The following MUC5AC variants were observed in gnomAD, a reference collection of about 807,000 sequenced individuals.
MUC5AC encodes the protein mucin 5AC, oligomeric mucus/gel-forming.
Under a neutral mutation model 169.7 loss-of-function variants are expected in MUC5AC, and 158 were observed. The ratio of observed to expected loss-of-function variants is 0.93; its 90% CI spans 0.82 to 1.06. The LOEUF (loss-of-function observed/expected upper bound fraction) is 1.06, where lower values mean the gene tolerates loss of function less well. MUC5AC is among the 50% of genes least tolerant of loss of function. The probability of loss-of-function intolerance (pLI) is 0.00; values close to 1 mark genes in which losing one functional copy is unlikely to be tolerated. For synonymous variants in MUC5AC, 1,975 were observed against 1,237.0 expected (o/e 1.60, Z -12.52); for missense variants, 4,359 against 3,089.9 (o/e 1.41, Z -9.74).
At chr11:1,198,724 C>T (rs1590155132) in intron 43 of MUC5AC, 150 bp from the exon 44 acceptor site, 4 of 612,372 alleles carry the variant, frequency 6.5e-6, no homozygotes, top group Admixed American at 2.7e-5. Context: ...GGTGCCACCA[C>T]GAGTCACCCC....
chr11:1,200,415 T>C (rs1370060687), intron 48 of MUC5AC, 23 bp from the exon 49 acceptor site: 1 of 668,060 alleles, frequency 1.5e-6, no homozygotes, highest in African/African-American at 1.8e-5. Flanking sequence ...CAGCAGCTGG[T>C]GCTGAGCAGC....
chr11:1,182,350 C>T lies in MUC5AC; in HGVS notation c.4205C>T (p.Thr1402Met), dbSNP rs1331862301. The change falls in exon 31 of 49, where the codon ACG (threonine) becomes ATG (methionine). Residue 1402 changes from threonine to methionine, a missense_variant. Thr to Met is a moderately conservative substitution (Grantham distance 81, BLOSUM62 -1). Transcript: ENST00000621226. ...WMDVSRPGRG[T>M]DSGDFDTLEN... Reference sequence around the variant, plus strand: ...GATGTCAGCCGCCCTGGACGGGGCACGGACAGCGGTGACTTCGACACACTG... The same window carrying T: ...GATGTCAGCCGCCCTGGACGGGGCATGGACAGCGGTGACTTCGACACACTG... 12 of 398,548 alleles carry T rather than the reference C, an allele frequency of 3.0e-5. No individual in the cohort carries two copies. Among genetic ancestry groups the T allele is most frequent in the African/African-American group, 8.2e-5 (4 of 48,742 alleles). The allele number at this position is 398,548 out of a possible 1,614,324, so 24.7% of individuals were successfully genotyped here.
chr11:1,158,062 C>T lies in MUC5AC; in HGVS notation c.63C>T (p.Thr21=), dbSNP rs1455609693. ...CCCTGGCTCTCGCTCTGGCCTGCAC[C>T]CGGCATACAGGTACGGCTTGGCCCC... ...LWALALALAC[T]RHTGHAQDGS... The change falls in exon 1 of 49, where the codon ACC becomes ACT. Residue 21 remains threonine (T), a synonymous_variant. Coordinates refer to ENST00000621226, the MANE Select transcript of MUC5AC (RefSeq NM_001304359.2). 1 of 1,608,182 alleles carries T rather than the reference C, an allele frequency of 6.2e-7. No homozygotes were observed. The highest frequency in any genetic ancestry group is 8.5e-7 in the Non-Finnish European group (1 of 1,178,478).
rs1554928444 is a variant in MUC5AC at position 1,188,020 on chromosome 11, G to T, written c.9875G>T (p.Arg3292Leu). 1 of 749,490 alleles carries T rather than the reference G, an allele frequency of 1.3e-6. No homozygotes were observed. Among genetic ancestry groups the T allele is most frequent in the Non-Finnish European group, 2.4e-6 (1 of 408,164 alleles). The allele number at this position is 749,490 out of a possible 1,614,324, so 46.4% of individuals were successfully genotyped here. The change falls in exon 31 of 49, where the codon CGT becomes CTT. Residue 3292 changes from arginine to leucine, a missense_variant. Arg to Leu is a moderately radical substitution (Grantham distance 102). Transcript: ENST00000621226. ...EHLGQVVQCSREEGLVCRNQD... is the reference protein window; with the variant it reads ...EHLGQVVQCSLEEGLVCRNQD... ...CTGGGCCAGGTGGTGCAGTGCAGCC[G>T]TGAAGAGGGCCTGGTGTGCCGGAAC...
At chr11:1,161,126 A>AAGGGCAGCC (rs1860129549) in intron 2 of MUC5AC, among the ~76,000 whole-genome samples, 1 of 152,158 alleles carries the variant, frequency 6.6e-6, no homozygotes, top group Non-Finnish European at 1.5e-5. Flanking sequence ...CAGGGCAGGC[A>AAGGGCAGCC]AGGGCAGCCA....
At position 1,194,268 on chromosome 11, in the gene MUC5AC, G is replaced by A. The variant is rs922634334; in HGVS notation, c.14914G>A (p.Gly4972Arg). The A allele has an allele frequency of 1.7e-5, 13 of 763,514 alleles. No homozygotes were observed. Among genetic ancestry groups the A allele is most frequent in the South Asian group, 2.7e-5 (2 of 74,282 alleles). The allele number at this position is 763,514 out of a possible 1,614,324, so 47.3% of individuals were successfully genotyped here. Reference sequence around the variant, plus strand: ...CAACTACTTCTGCGGTGCGGAGGACGGGCTCTCCTGCCCGAGGTCCATCAT... The same window carrying A: ...CAACTACTTCTGCGGTGCGGAGGACAGGCTCTCCTGCCCGAGGTCCATCAT... Reference protein sequence around the residue: ...VDNYFCGAEDGLSCPRSIILE... With the variant: ...VDNYFCGAEDRLSCPRSIILE... Residue 4972 changes from glycine to arginine, a missense_variant, in exon 34 of 49, where the codon GGG (glycine) becomes AGG (arginine). Coordinates refer to ENST00000621226, the MANE Select transcript of MUC5AC (RefSeq NM_001304359.2).
rs1291114159 is a variant in MUC5AC at position 1,186,768 on chromosome 11, A to C, written c.8623A>C (p.Ser2875Arg). The C allele has an allele frequency of 2.7e-6, 2 of 740,976 alleles. No homozygotes were observed. The highest frequency in any genetic ancestry group is 3.5e-5 in the African/African-American group (2 of 57,884). The allele number at this position is 740,976 out of a possible 1,614,324, so 45.9% of individuals were successfully genotyped here. ...TSSTTSTATTSTTSGPGTTPS... is the reference protein window; with the variant it reads ...TSSTTSTATTRTTSGPGTTPS... ...CAGCACAACCTCCACTGCTACAACC[A>C]GCACAACCTCTGGCCCTGGAACTAC... Residue 2875 changes from serine to arginine, a missense_variant, in exon 31 of 49, where the codon AGC becomes CGC. Coordinates refer to ENST00000621226, the MANE Select transcript of MUC5AC (RefSeq NM_001304359.2).
intron 32 of MUC5AC, 84 bp downstream of exon 32, chr11:1,193,066 A>G: frequency 1.6e-6 from 1 of 612,634 alleles, no homozygotes; most frequent in African/African-American, 1.8e-5. Flanking sequence ...CTTCAGCTGC[A>G]AAGTCTTGAG....
intron 37 of MUC5AC, 80 bp downstream of exon 37, chr11:1,196,134 T>G (rs1861264965): frequency 3.0e-6 from 2 of 658,332 alleles, no homozygotes; most frequent in Admixed American, 2.3e-5. Flanking sequence ...CAGGGTGGGC[T>G]CGGGCAGTCA....
chr11:1,195,862 C>CCCCA lies in MUC5AC; in HGVS notation c.15459-14_15459-13insCCCA. The CCCCA allele has an allele frequency of 1.3e-6, 1 of 759,444 alleles. No homozygotes were observed. Among genetic ancestry groups the CCCCA allele is most frequent in the Non-Finnish European group, 2.4e-6 (1 of 414,166 alleles). The allele number at this position is 759,444 out of a possible 1,614,324, so 47.0% of individuals were successfully genotyped here. On this transcript the variant is annotated splice_polypyrimidine_tract_variant and intron_variant, in intron 36 of 48. Coordinates refer to ENST00000621226, the MANE Select transcript of MUC5AC (RefSeq NM_001304359.2). ...GAGAGGCTGCACCCAGCACCCTGCC[C>CCCCA]ATCCCTCCCACAGGGTCTTTGAGCC...
chr11:1,190,634 T>A lies in MUC5AC; in HGVS notation c.12489T>A (p.Ser4163=). ...TTLAPTTSTT[S]APTTSTNSAP... ...TGGCTCCTACAACCAGCACAACCTC[T>A]GCTCCAACAACCAGCACAAACTCTG... Residue 4163 remains serine, a synonymous_variant, in exon 31 of 49, where the codon TCT becomes TCA. Coordinates refer to ENST00000621226, the MANE Select transcript of MUC5AC (RefSeq NM_001304359.2). The A allele has an allele frequency of 1.4e-6, 1 of 694,440 alleles. No individual in the cohort carries two copies. Among genetic ancestry groups the A allele is most frequent in the Non-Finnish European group, 2.6e-6 (1 of 380,522 alleles). The allele number at this position is 694,440 out of a possible 1,614,324, so 43.0% of individuals were successfully genotyped here.
At chr11:1,179,494 G>A (rs1412452620) in intron 26 of MUC5AC, among the ~76,000 whole-genome samples, 7 of 116,170 alleles carry the variant, frequency 6.0e-5, no homozygotes, top group Non-Finnish European at 1.1e-4. Context: ...CAGAGGGGTC[G>A]CTGGCATGGT....
chr11:1,164,609 G>A, intron 9 of MUC5AC, 77 bp downstream of exon 9: 1 of 1,499,904 alleles, frequency 6.7e-7, no homozygotes, highest in East Asian at 2.4e-5. Flanking sequence ...CCAAGCCTCG[G>A]AAGAAGGACC....
intron 1 of MUC5AC, among the ~76,000 whole-genome samples, chr11:1,159,693 G>A (rs1416898841): frequency 3.0e-5 from 4 of 133,974 alleles, no homozygotes; most frequent in Non-Finnish European, 4.8e-5. Context: ...GGTTCTGTGC[G>A]GGGCTGTGTG....
In MUC5AC at chr11:1,169,220, A is replaced by C. The variant is rs957976681; in HGVS notation, c.1870+194A>C. ...ATGTGGAGCTTCAGGAATGTGGGGCATCTGCTTCAGGGTCAAAGAAAGGGT... is the reference window on the plus strand; with the variant it reads ...ATGTGGAGCTTCAGGAATGTGGGGCCTCTGCTTCAGGGTCAAAGAAAGGGT... On this transcript the variant is annotated intron_variant, in intron 15 of 48. Transcript: ENST00000621226. The C allele has an allele frequency of 4.3e-6, 4 of 941,116 alleles. No individual in the cohort carries two copies. In the African/African-American group the frequency reaches 7.1e-5, roughly 17 times the overall value. 58.3% of individuals were successfully genotyped at this position (941,116 alleles called of 1,614,324 possible). A position where few individuals can be genotyped will look rare whatever the true frequency, so the allele number is the denominator to read the frequency against.
intron 10 of MUC5AC, 28 bp from the exon 11 acceptor site, chr11:1,165,594 C>T (rs1860299445): frequency 6.2e-7 from 1 of 1,610,040 alleles, no homozygotes; most frequent in Admixed American, 1.7e-5. Context: ...GGGGCCGGCA[C>T]CCACGTGGCA....
intron 19 of MUC5AC, among the ~76,000 whole-genome samples, chr11:1,175,593 ACACGCATTCACACCCT>A (rs1860653985): frequency 6.8e-6 from 1 of 146,950 alleles, no homozygotes; most frequent in African/African-American, 2.5e-5. Flanking sequence ...CCACTCATGC[ACACGCATTCACACCCT>A]CATGCACACG....
rs753931932 is a variant in MUC5AC, at chr11:1,165,399, C to T, written c.1227C>T (p.Tyr409=). The change falls in exon 10 of 49, where the codon TAC becomes TAT. Residue 409 remains tyrosine, a synonymous_variant. Coordinates refer to ENST00000621226, the MANE Select transcript of MUC5AC (RefSeq NM_001304359.2). ...NGAAYAPGAT[Y]STDCTNCTCS... Reference sequence around the variant, plus strand: ...CTGCCTATGCCCCAGGGGCCACCTACTCCACAGACTGCACCAACTGGTAGG... The same window carrying T: ...CTGCCTATGCCCCAGGGGCCACCTATTCCACAGACTGCACCAACTGGTAGG... 1.2e-6 allele frequency: 2 copies of T among 1,611,990 alleles called. No homozygotes were observed. The highest frequency in any genetic ancestry group is 1.7e-6 in the Non-Finnish European group (2 of 1,179,574).
In MUC5AC at chr11:1,164,127, C is replaced by T. The variant is rs750216484; in HGVS notation, c.811C>T (p.His271Tyr). Reference sequence around the variant, plus strand: ...CTAGGGCATCTGTGAGGAGCTCCTGCACGGCCAGCTGTTCTCTGGCTGCGT... The same window carrying T: ...CTAGGGCATCTGTGAGGAGCTCCTGTACGGCCAGCTGTTCTCTGGCTGCGT... ...TGFGICEELLHGQLFSGCVAL... is the reference protein window; with the variant it reads ...TGFGICEELLYGQLFSGCVAL... Residue 271 changes from histidine to tyrosine, a missense_variant, in exon 8 of 49, where the codon CAC (histidine) becomes TAC (tyrosine). By Grantham distance (83) the His-to-Tyr change is moderately conservative. Coordinates refer to ENST00000621226, the MANE Select transcript of MUC5AC (RefSeq NM_001304359.2). 6.2e-7 allele frequency: 1 copy of T among 1,612,192 alleles called. No homozygotes were observed. Among genetic ancestry groups the T allele is most frequent in the Admixed American group, 1.7e-5 (1 of 60,020 alleles).
Sources: allele counts gnomAD v4.1 joint callset (sites outside exome capture counted in the v4.1 genomes callset), GRCh38; gene constraint gnomAD v4.1.1; transcripts MANE v1.5; gene names NCBI Gene and HGNC (gene_info 2026-07-23, HGNC 2026-07-21).